The following IMMP2L variants were observed in gnomAD, a reference collection of about 807,000 sequenced individuals.
IMMP2L encodes the protein mitochondrial inner membrane protease subunit 2.
Under a neutral mutation model 19.3 loss-of-function variants are expected in IMMP2L, and 18 were observed. The ratio of observed to expected loss-of-function variants is 0.93; its 90% CI spans 0.64 to 1.38. The LOEUF (loss-of-function observed/expected upper bound fraction) is 1.38, where lower values mean the gene tolerates loss of function less well. Among genes scored for constraint, IMMP2L ranks in the 40% most tolerant of loss-of-function variants. The pLI is 0.00. For missense variants in IMMP2L, 233 were observed against 218.2 expected, an observed-to-expected ratio of 1.07 and a Z score of -0.43; for synonymous variants, 76 against 73.0, an observed-to-expected ratio of 1.04 and a Z score of -0.21.
At chr7:110,843,964 C>T (rs1359405745) in intron 5 of IMMP2L, among the ~76,000 whole-genome samples, 1 of 152,064 alleles carries the variant, frequency 6.6e-6, no homozygotes, top group Non-Finnish European at 1.5e-5. Context: ...CTGGGTCCTG[C>T]AGACTGTTAC....
intron 3 of IMMP2L, among the ~76,000 whole-genome samples, chr7:111,065,976 G>C (rs7808895): frequency 0.92 from 135,662 of 147,892 alleles, 62,800 homozygotes; most frequent in East Asian, 0.99. Flanking sequence ...GTCTCCCATA[G>C]CAGGCTGTAA....
At chr7:111,437,273 C>G (rs1837272246) in intron 3 of IMMP2L, among the ~76,000 whole-genome samples, 1 of 151,652 alleles carries the variant, frequency 6.6e-6, no homozygotes, top group Admixed American at 6.6e-5. Flanking sequence ...TGGAAAAACC[C>G]CATCTCTACT....
At chr7:111,340,498 T>C (rs1584707896) in intron 3 of IMMP2L, among the ~76,000 whole-genome samples, 1 of 152,086 alleles carries the variant, frequency 6.6e-6, no homozygotes, top group Non-Finnish European at 1.5e-5. Context: ...ATGTCCACCA[T>C]ACTTTCAAAT....
chr7:110,994,133 C>T (rs1822784344), intron 3 of IMMP2L, among the ~76,000 whole-genome samples: 1 of 149,352 alleles, frequency 6.7e-6, no homozygotes, highest in Non-Finnish European at 1.5e-5. Context: ...TACTCTCTCT[C>T]TTTTTTTTTT....
chr7:111,422,731 C>T (rs1835693013), intron 3 of IMMP2L, among the ~76,000 whole-genome samples: 1 of 151,830 alleles, frequency 6.6e-6, no homozygotes, highest in Non-Finnish European at 1.5e-5. Flanking sequence ...CCTGATTGCC[C>T]TGGCCAGAAC....
chr7:111,278,418 C>T (rs1003712791), intron 3 of IMMP2L, among the ~76,000 whole-genome samples: 2 of 152,134 alleles, frequency 1.3e-5, no homozygotes, highest in African/African-American at 4.8e-5. Context: ...CCACTCCCAA[C>T]AATTGTTTTT....
At position 111,371,282 on chromosome 7, in the gene IMMP2L, T is replaced by A. The variant is rs1343458590; in HGVS notation, c.239+115956A>T. ...GATGTCTTCTTCATGGCTGCTACAG[T>A]ATCCTAGATTCTGCAGCCTGCCTTC... On this transcript the variant is annotated intron_variant, in intron 3 of 5. Transcript: ENST00000405709. Among the ~76,000 whole-genome samples, 5 of 151,984 alleles carry A rather than the reference T, an allele frequency of 3.3e-5. No individual in the cohort carries two copies. In the South Asian group the frequency reaches 1.0e-3, roughly 32 times the overall value.
At chr7:111,209,515 A>G (rs1203493062) in intron 3 of IMMP2L, among the ~76,000 whole-genome samples, 1 of 152,142 alleles carries the variant, frequency 6.6e-6, no homozygotes, top group East Asian at 1.9e-4. Flanking sequence ...TCACATATCA[A>G]TACAGTATTT....
intron 5 of IMMP2L, among the ~76,000 whole-genome samples, chr7:110,740,893 T>TA (rs1488645616): frequency 6.6e-6 from 1 of 150,964 alleles, no homozygotes; most frequent in Non-Finnish European, 1.5e-5. Context: ...ACCCAGAACT[T>TA]ACAGTATAAT....
intron 3 of IMMP2L, among the ~76,000 whole-genome samples, chr7:110,991,826 T>C (rs913893537): frequency 2.0e-5 from 3 of 152,100 alleles, no homozygotes; most frequent in Non-Finnish European, 2.9e-5. Context: ...CGTCCACCCC[T>C]GACAATATTA....
intron 4 of IMMP2L, chr7:110,962,928 G>C: frequency 1.4e-6 from 2 of 1,404,644 alleles, no homozygotes; most frequent in South Asian, 3.5e-5. Flanking sequence ...TTTACTTGCT[G>C]AATGTCAACA....
At chr7:111,192,359 AT>A (rs1162677399) in intron 3 of IMMP2L, among the ~76,000 whole-genome samples, 1 of 152,136 alleles carries the variant, frequency 6.6e-6, no homozygotes, top group Non-Finnish European at 1.5e-5. Flanking sequence ...ACTTTTAAAA[AT>A]ATCATGTGTC....
chr7:111,141,011 A>AATATGACT (rs1178654867), intron 3 of IMMP2L, among the ~76,000 whole-genome samples: 1 of 152,198 alleles, frequency 6.6e-6, no homozygotes, highest in East Asian at 1.9e-4. Flanking sequence ...ATTATGAAAT[A>AATATGACT]ATATGACTTT....
intron 3 of IMMP2L, among the ~76,000 whole-genome samples, chr7:111,381,595 C>T (rs1831210618): frequency 6.6e-6 from 1 of 151,864 alleles, no homozygotes; most frequent in Non-Finnish European, 1.5e-5. Context: ...AATACACTAA[C>T]AATGATGAGA....
chr7:111,129,907 T>C (rs951571151), intron 3 of IMMP2L, among the ~76,000 whole-genome samples: 1 of 152,096 alleles, frequency 6.6e-6, no homozygotes, highest in African/African-American at 2.4e-5. Context: ...GAAAAAACTT[T>C]TAAAAAGAAT....
intron 3 of IMMP2L, among the ~76,000 whole-genome samples, chr7:110,989,209 TG>T (rs1822189389): frequency 6.6e-6 from 1 of 152,076 alleles, no homozygotes; most frequent in African/African-American, 2.4e-5. Flanking sequence ...CACTCCAGCC[TG>T]GGCAACAAGA....
At chr7:111,234,985 C>T (rs1398058389) in intron 3 of IMMP2L, among the ~76,000 whole-genome samples, 1 of 151,954 alleles carries the variant, frequency 6.6e-6, no homozygotes, top group Non-Finnish European at 1.5e-5. Context: ...AGAAAATTAC[C>T]ATTTTCAGTG....
chr7:111,230,239 T>C (rs531237697), intron 3 of IMMP2L, among the ~76,000 whole-genome samples: 1 of 152,186 alleles, frequency 6.6e-6, no homozygotes, highest in African/African-American at 2.4e-5. Context: ...GGGTCATTCT[T>C]ACAGCCAATT....
intron 3 of IMMP2L, among the ~76,000 whole-genome samples, chr7:111,013,413 CA>C (rs1262365385): frequency 6.6e-6 from 1 of 152,026 alleles, no homozygotes; most frequent in East Asian, 1.9e-4. Context: ...GCAATAAGGA[CA>C]GAAAGAAACA....
Sources: allele counts gnomAD v4.1 joint callset (sites outside exome capture counted in the v4.1 genomes callset), GRCh38; gene constraint gnomAD v4.1.1; transcripts MANE v1.5; gene names NCBI Gene and HGNC (gene_info 2026-07-23, HGNC 2026-07-21).